LHFPL7: variants seen among roughly 807,000 people sequenced by gnomAD.
LHFPL7 encodes LHFPL tetraspan subfamily member 7 protein.
chr22:24,939,429 A>T, the LHFPL7 span: 6 of 702,980 alleles, frequency 8.5e-6, no homozygotes, highest in African/African-American at 1.7e-5. Context: ...GTAGGTGAGG[A>T]TGCCAAAGGA....
the LHFPL7 span, among the ~76,000 whole-genome samples, chr22:24,940,649 C>CCTTCCTTCCTTCCTTT: frequency 8.7e-6 from 1 of 114,684 alleles, no homozygotes; most frequent in East Asian, 3.4e-4. Context: ...TTCCTTCCTT[C>CCTTCCTTCCTTCCTTT]CTTCCTTCCT....
At chr22:24,938,018 C>A in the LHFPL7 span, 1 of 1,368,866 alleles carries the variant, frequency 7.3e-7, no homozygotes, top group Non-Finnish European at 9.8e-7. Context: ...AGTCAACAAT[C>A]CTAGGGTTTA....
chr22:24,946,296 C>T, the LHFPL7 span, among the ~76,000 whole-genome samples: 5 of 152,158 alleles, frequency 3.3e-5, no homozygotes, highest in Middle Eastern at 3.4e-3. Flanking sequence ...GGCGACAGAG[C>T]AAGACTGTCT....
At chr22:24,946,416 C>A in the LHFPL7 span, among the ~76,000 whole-genome samples, 1 of 126,992 alleles carries the variant, frequency 7.9e-6, no homozygotes, top group Non-Finnish European at 1.6e-5. Flanking sequence ...TGCACCCACC[C>A]ACCCACCCAC....
At chr22:24,940,721 CCTTCCTTCCTTG>C in the LHFPL7 span, among the ~76,000 whole-genome samples, 1 of 124,038 alleles carries the variant, frequency 8.1e-6, no homozygotes, top group Non-Finnish European at 1.7e-5. Context: ...CCCTTTCTTT[CCTTCCTTCCTTG>C]CTTCCTTCCT....
At chr22:24,938,318 T>C in the LHFPL7 span, 3 of 1,611,638 alleles carry the variant, frequency 1.9e-6, no homozygotes, top group Admixed American at 1.7e-5. Context: ...GAAAATTGCA[T>C]TGAAGGCCAA....
At chr22:24,941,181 T>TTG in the LHFPL7 span, among the ~76,000 whole-genome samples, 1 of 152,096 alleles carries the variant, frequency 6.6e-6, no homozygotes, top group Non-Finnish European at 1.5e-5. Flanking sequence ...CTTTTTTTTT[T>TTG]TTTGAAACAG....
chr22:24,936,103 C>A, the LHFPL7 span, among the ~76,000 whole-genome samples: 1 of 152,078 alleles, frequency 6.6e-6, no homozygotes, highest in Non-Finnish European at 1.5e-5. Context: ...CTCCTTTTAT[C>A]CACCTACTCA....
chr22:24,935,666 C>T, the LHFPL7 span: 6 of 1,537,488 alleles, frequency 3.9e-6, no homozygotes, highest in Non-Finnish European at 5.3e-6. Context: ...TCCCACGACT[C>T]ATCCACCCTT....
the LHFPL7 span, among the ~76,000 whole-genome samples, chr22:24,944,768 G>A: frequency 1.3e-5 from 2 of 150,006 alleles, no homozygotes; most frequent in Non-Finnish European, 2.9e-5. Flanking sequence ...GTAGAGATGA[G>A]GTGAGGTCTC....
the LHFPL7 span, among the ~76,000 whole-genome samples, chr22:24,942,226 C>A: frequency 1.3e-5 from 2 of 152,106 alleles, no homozygotes; most frequent in Non-Finnish European, 2.9e-5. Context: ...GATCTCCTGA[C>A]CTTGTGATCC....
chr22:24,944,586 C>T, the LHFPL7 span, among the ~76,000 whole-genome samples: 6 of 152,136 alleles, frequency 3.9e-5, no homozygotes, highest in Non-Finnish European at 8.8e-5. Flanking sequence ...TAAGGTCTTG[C>T]TCTGTTGCCC....
chr22:24,942,470 G>C, the LHFPL7 span, among the ~76,000 whole-genome samples: 1 of 152,210 alleles, frequency 6.6e-6, no homozygotes, highest in African/African-American at 2.4e-5. Context: ...GGCACTCAAG[G>C]TCAAAAGCAG....
chr22:24,936,269 A>G, the LHFPL7 span, among the ~76,000 whole-genome samples: 3,769 of 151,878 alleles, frequency 0.025, 153 homozygotes, highest in African/African-American at 0.086. Context: ...CCTCCCACCA[A>G]TCCATCCATC....
chr22:24,942,236 C>T, the LHFPL7 span, among the ~76,000 whole-genome samples: 2 of 152,144 alleles, frequency 1.3e-5, no homozygotes, highest in Non-Finnish European at 2.9e-5. Context: ...CCTTGTGATC[C>T]ACCCGCCTCG....
the LHFPL7 span, among the ~76,000 whole-genome samples, chr22:24,938,866 C>T: frequency 6.6e-6 from 1 of 152,178 alleles, no homozygotes; most frequent in East Asian, 1.9e-4. Context: ...CAGGTAAGAG[C>T]GTGCAGGTTG....
the LHFPL7 span, chr22:24,935,158 T>G: frequency 1.3e-6 from 1 of 764,692 alleles, no homozygotes; most frequent in Non-Finnish European, 2.0e-6. Context: ...AACAACCTTA[T>G]GAGGTAGGTA....
At chr22:24,939,558 G>T in the LHFPL7 span, 4 of 702,324 alleles carry the variant, frequency 5.7e-6, no homozygotes, top group Non-Finnish European at 1.0e-5. Flanking sequence ...CTGACCTAGG[G>T]GTCAACAGGG....
At chr22:24,945,152 T>C in the LHFPL7 span, among the ~76,000 whole-genome samples, 1 of 152,122 alleles carries the variant, frequency 6.6e-6, no homozygotes, top group Non-Finnish European at 1.5e-5. Flanking sequence ...ATCCTCCTGC[T>C]TTAGTCTCCC....
Sources: gnomAD v4.1 joint callset for allele counts (sites outside exome capture counted in the v4.1 genomes callset) on GRCh38, gnomAD v4.1.1 for gene constraint, MANE v1.5 for transcripts, NCBI Gene and HGNC (gene_info 2026-07-23, HGNC 2026-07-21) for gene names.